ACAA2: variants seen among roughly 807,000 people sequenced by gnomAD.
The protein encoded by ACAA2 is 3-ketoacyl-CoA thiolase, mitochondrial.
In ACAA2, 35 loss-of-function variants were observed where a neutral mutation model predicts 44.8. The ratio of observed to expected loss-of-function variants is 0.78; its 90% CI spans 0.60 to 1.04. The LOEUF (loss-of-function observed/expected upper bound fraction) is 1.04. Ranked by LOEUF, ACAA2 falls within the 50% of genes least tolerant of loss-of-function variation. The probability of loss-of-function intolerance (pLI) is 0.00; values close to 1 mark genes in which losing one functional copy is unlikely to be tolerated. For missense variants in ACAA2, 468 were observed against 482.6 expected, an observed-to-expected ratio of 0.97 and a Z score of 0.28; for synonymous variants, 142 against 166.5, an observed-to-expected ratio of 0.85 and a Z score of 1.13.
At position 49,805,935 on chromosome 18, in the gene ACAA2, C is replaced by T. The variant is rs188528430; in HGVS notation, c.17-3082G>A. Among the ~76,000 whole-genome samples, 21 of 152,176 alleles carry T rather than the reference C, an allele frequency of 1.4e-4. No homozygotes were observed. The East Asian group carries it at 3.9e-3, about 28-fold the overall frequency. On this transcript the variant is annotated intron_variant, in intron 1 of 9. Coordinates refer to ENST00000285093, the MANE Select transcript of ACAA2 (RefSeq NM_006111.3). Reference sequence around the variant, plus strand: ...TCATTCTTCTTTCCTCTTTCCATGCCTTCTTCCTAATTTCATTAGTTCTGC... The same window carrying T: ...TCATTCTTCTTTCCTCTTTCCATGCTTTCTTCCTAATTTCATTAGTTCTGC...
intron 6 of ACAA2, 46 bp from the exon 7 acceptor site, chr18:49,791,645 G>A: frequency 3.1e-6 from 5 of 1,593,922 alleles, no homozygotes; most frequent in African/African-American, 2.7e-5. Context: ...AAATAATCCA[G>A]TTAATCAAAG....
chr18:49,800,890 T>TAAAAAAA (rs5824805), intron 2 of ACAA2, among the ~76,000 whole-genome samples: 2 of 121,104 alleles, frequency 1.7e-5, no homozygotes, highest in African/African-American at 3.1e-5. Flanking sequence ...GAATGATCAA[T>TAAAAAAA]AAAAAAAAAA....
intron 9 of ACAA2, 152 bp from the exon 10 acceptor site, chr18:49,784,083 G>T: frequency 1.5e-6 from 1 of 655,000 alleles, no homozygotes; most frequent in Non-Finnish European, 2.7e-6. Context: ...ATTACAACAG[G>T]CAACAGACTT....
At chr18:49,803,459 A>G (rs1282046134) in intron 1 of ACAA2, among the ~76,000 whole-genome samples, 10 of 152,190 alleles carry the variant, frequency 6.6e-5, no homozygotes, top group African/African-American at 2.4e-4. Context: ...AAGCCCTTAA[A>G]AGGGCCAAGA....
At position 49,792,313 on chromosome 18, in the gene ACAA2, A is replaced by G; in HGVS notation, c.592T>C (p.Tyr198His). ...QRWKAANDAG[Y>H]FNDEMAPIEV... is the part of the protein sequence containing the mutation. ...ATTGGTGCCATTTCATCATTAAAGT[A>G]GCCAGCATCATTAGCTGAAAAATAG... is the stretch of plus-strand genomic sequence containing the variant. Residue 198 changes from tyrosine to histidine, a missense_variant, in exon 6 of 10, where the codon TAC (tyrosine) becomes CAC (histidine). Coordinates refer to ENST00000285093, the MANE Select transcript of ACAA2 (RefSeq NM_006111.3). The G allele has an allele frequency of 6.2e-7, 1 of 1,613,430 alleles. No individual in the cohort carries two copies. The highest frequency in any genetic ancestry group is 8.5e-7 in the Non-Finnish European group (1 of 1,179,622).
intron 1 of ACAA2, 98 bp downstream of exon 1, chr18:49,813,371 C>A: frequency 2.0e-6 from 2 of 1,008,440 alleles, no homozygotes; most frequent in Non-Finnish European, 2.6e-6. Flanking sequence ...GAACTTCACC[C>A]CACGACCCCG....
chr18:49,811,899 A>G (rs1243644673), intron 1 of ACAA2, among the ~76,000 whole-genome samples: 1 of 152,218 alleles, frequency 6.6e-6, no homozygotes. Flanking sequence ...ACAGGTGTCA[A>G]TGTGCATTTT....
At chr18:49,785,387 T>TACTC (rs749652581) in intron 8 of ACAA2, 36 bp from the exon 9 acceptor site, 2 of 1,603,964 alleles carry the variant, frequency 1.2e-6, no homozygotes, top group Non-Finnish European at 1.7e-6. Context: ...CAAAAATCCT[T>TACTC]ACTCACAAAC....
At chr18:49,794,527 G>A in intron 4 of ACAA2, 100 bp from the exon 5 acceptor site, 1 of 964,604 alleles carries the variant, frequency 1.0e-6, no homozygotes, top group Non-Finnish European at 1.4e-6. Flanking sequence ...ATAAACAAAA[G>A]TAAAATTAAG....
chr18:49,794,870 G>A (rs978858366), intron 4 of ACAA2, among the ~76,000 whole-genome samples: 1 of 152,142 alleles, frequency 6.6e-6, no homozygotes, highest in African/African-American at 2.4e-5. Context: ...CTGCGCCTCA[G>A]TGACAGGAAT....
chr18:49,794,563 T>A, intron 4 of ACAA2, 136 bp from the exon 5 acceptor site: 1 of 667,950 alleles, frequency 1.5e-6, no homozygotes, highest in Non-Finnish European at 2.3e-6. Flanking sequence ...CTATTCATAT[T>A]CAGTTATGGG....
chr18:49,786,468 G>C (rs1201673640), intron 8 of ACAA2: 2 of 152,208 alleles, frequency 1.3e-5, no homozygotes, highest in Admixed American at 1.3e-4. Flanking sequence ...GCTCTGAACT[G>C]TGATCTGCTA....
intron 1 of ACAA2, among the ~76,000 whole-genome samples, chr18:49,808,666 G>A (rs146573254): frequency 1.8e-4 from 27 of 152,204 alleles, no homozygotes; most frequent in African/African-American, 6.5e-4. Context: ...TACGAACAGG[G>A]AGTAGGTCAC....
At chr18:49,785,393 C>T in intron 8 of ACAA2, 42 bp from the exon 9 acceptor site, 1 of 1,598,024 alleles carries the variant, frequency 6.3e-7, no homozygotes, top group Non-Finnish European at 8.5e-7. Flanking sequence ...TCCTTACTCA[C>T]AAACTAATTT....
intron 1 of ACAA2, among the ~76,000 whole-genome samples, chr18:49,804,077 A>C (rs1022240200): frequency 3.9e-5 from 6 of 151,906 alleles, no homozygotes; most frequent in Non-Finnish European, 7.4e-5. Flanking sequence ...GGCCCGGCTA[A>C]TTTTTGTATT....
chr18:49,811,357 T>C (rs1361690996), intron 1 of ACAA2: 1 of 152,112 alleles, frequency 6.6e-6, no homozygotes, highest in East Asian at 1.9e-4. Flanking sequence ...CATCCAGTTG[T>C]TTCAAGATTA....
intron 7 of ACAA2, among the ~76,000 whole-genome samples, chr18:49,789,184 CG>C (rs1273832489): frequency 2.6e-5 from 4 of 151,862 alleles, no homozygotes; most frequent in East Asian, 1.9e-4. Flanking sequence ...TGGCTTTCCC[CG>C]TTTTTTTTTG....
At chr18:49,811,744 G>T (rs2023671833) in intron 1 of ACAA2, among the ~76,000 whole-genome samples, 1 of 152,048 alleles carries the variant, frequency 6.6e-6, no homozygotes, top group African/African-American at 2.4e-5. Context: ...CTAACTACCT[G>T]TGTTATTATA....
intron 5 of ACAA2, 65 bp downstream of exon 5, chr18:49,794,215 A>T (rs2023438635): frequency 8.3e-7 from 1 of 1,203,592 alleles, no homozygotes. Flanking sequence ...CCATAATAGA[A>T]ATGATGAAAA....
Sources: allele counts gnomAD v4.1 joint callset (sites outside exome capture counted in the v4.1 genomes callset), GRCh38; gene constraint gnomAD v4.1.1; transcripts MANE v1.5; gene names NCBI Gene and HGNC (gene_info 2026-07-23, HGNC 2026-07-21).